ZNF385D: variants seen among roughly 807,000 people sequenced by gnomAD.
ZNF385D encodes the protein zinc finger protein 385D.
Under a neutral mutation model 35.8 loss-of-function variants are expected in ZNF385D, and 15 were observed. The ratio of observed to expected loss-of-function variants is 0.42; its 90% CI spans 0.28 to 0.64. The LOEUF (loss-of-function observed/expected upper bound fraction) is 0.64. ZNF385D is among the 30% of genes least tolerant of loss of function. ZNF385D has a pLI of 0.23. For missense variants in ZNF385D, 474 were observed against 494.6 expected, an observed-to-expected ratio of 0.96 and a Z score of 0.39; for synonymous variants, 212 against 186.8, an observed-to-expected ratio of 1.13 and a Z score of -1.10.
At chr3:21,433,210 T>G (rs1055022888) in intron 5 of ZNF385D, among the ~76,000 whole-genome samples, 8 of 152,290 alleles carry the variant, frequency 5.3e-5, no homozygotes, top group Non-Finnish European at 1.2e-4. Context: ...GGAAGTTGCA[T>G]TCCCAAAATT....
intron 2 of ZNF385D, among the ~76,000 whole-genome samples, chr3:21,592,809 G>C (rs2064021975): frequency 6.6e-6 from 1 of 152,116 alleles, no homozygotes; most frequent in South Asian, 2.1e-4. Flanking sequence ...GTCAAACAAA[G>C]TACAAAACTT....
chr3:21,501,787 C>A (rs78651039), intron 4 of ZNF385D, among the ~76,000 whole-genome samples: 7,427 of 152,296 alleles, frequency 0.049, 236 homozygotes, highest in South Asian at 0.069. Flanking sequence ...GAAAAACTCT[C>A]CATGAACTCA....
intron 3 of ZNF385D, among the ~76,000 whole-genome samples, chr3:22,047,105 A>T (rs1216266295): frequency 2.0e-5 from 3 of 152,166 alleles, no homozygotes; most frequent in Non-Finnish European, 4.4e-5. Context: ...GGCTTCTGAC[A>T]TTCTTGTTGA....
intron 2 of ZNF385D, among the ~76,000 whole-genome samples, chr3:22,175,749 T>C (rs1694783667): frequency 6.6e-6 from 1 of 151,572 alleles, no homozygotes; most frequent in African/African-American, 2.4e-5. Context: ...TATATGTGTA[T>C]AAATTATACA....
intron 3 of ZNF385D, among the ~76,000 whole-genome samples, chr3:21,864,938 C>T (rs1379613453): frequency 4.2e-5 from 6 of 141,742 alleles, no homozygotes; most frequent in Non-Finnish European, 7.5e-5. Flanking sequence ...AGTCAAACAT[C>T]GTTAGTGTGA....
At position 21,932,012 on chromosome 3, in the gene ZNF385D, A is replaced by C. The variant is rs189428890; in HGVS notation, c.325+236805T>G. On this transcript the variant is annotated intron_variant, in intron 3 of 5. Coordinates refer to the ZNF385D transcript ENST00000494108. ...GAAACCCCGTCTCTACTAAAAATAC[A>C]AAAAATTAGCCGGGAGCGGTGGCGG... 1.3e-3 allele frequency among the ~76,000 whole-genome samples: 190 copies of C among 151,698 alleles called. 1 individual carries two copies. The highest frequency in any genetic ancestry group is 4.2e-3 in the African/African-American group (173 of 41,370).
At chr3:21,708,309 A>G (rs2067981295) in intron 1 of ZNF385D, among the ~76,000 whole-genome samples, 1 of 152,246 alleles carries the variant, frequency 6.6e-6, no homozygotes. Flanking sequence ...TATTTCATGT[A>G]ACGCTTACAG....
intron 2 of ZNF385D, among the ~76,000 whole-genome samples, chr3:21,572,989 C>G (rs1015893499): frequency 8.6e-5 from 13 of 152,020 alleles, no homozygotes; most frequent in African/African-American, 3.1e-4. Flanking sequence ...AATTTTTAAG[C>G]ACAAACACAT....
At chr3:21,773,476 C>T (rs374966232) in intron 3 of ZNF385D, among the ~76,000 whole-genome samples, 2 of 151,842 alleles carry the variant, frequency 1.3e-5, no homozygotes, top group Non-Finnish European at 2.9e-5. Flanking sequence ...TCAGAGTAAA[C>T]AGACAACCTA....
intron 3 of ZNF385D, among the ~76,000 whole-genome samples, chr3:21,823,046 T>G (rs552878645): frequency 9.0e-4 from 137 of 152,152 alleles, no homozygotes; most frequent in African/African-American, 3.1e-3. Context: ...ATATCATAAT[T>G]TTCTATTTGT....
At chr3:22,023,905 G>T (rs1303042895) in intron 3 of ZNF385D, among the ~76,000 whole-genome samples, 3 of 152,050 alleles carry the variant, frequency 2.0e-5, no homozygotes, top group Admixed American at 6.6e-5. Flanking sequence ...TTTTCATACT[G>T]CTCTAAAGAA....
Position 21,573,323 on chromosome 3 carries a change from G to A in ZNF385D, c.166-8639C>T, listed in dbSNP as rs1421634388. On this transcript the variant is annotated intron_variant, in intron 2 of 7. Coordinates refer to ENST00000281523, the MANE Select transcript of ZNF385D (RefSeq NM_024697.3). The stretch of plus-strand genomic sequence containing the variant: ...TGAGTGGCCAGTAAAAATACAAAAT[G>A]TACTGGTTAAAGTGAAAATAAAATT... 2.6e-5 allele frequency among the ~76,000 whole-genome samples: 4 copies of A among 152,252 alleles called. No homozygotes were observed. In the East Asian group the frequency reaches 5.8e-4, roughly 22 times the overall value.
intron 3 of ZNF385D, among the ~76,000 whole-genome samples, chr3:22,038,925 A>C (rs1279758257): frequency 6.7e-6 from 1 of 150,038 alleles, no homozygotes; most frequent in African/African-American, 2.4e-5. Context: ...TTATTATAAC[A>C]AAGTTATAAT....
At chr3:21,529,272 G>C (rs914855123) in intron 3 of ZNF385D, among the ~76,000 whole-genome samples, 5 of 151,994 alleles carry the variant, frequency 3.3e-5, no homozygotes, top group Non-Finnish European at 7.4e-5. Context: ...ATCGAATTTT[G>C]GTTTCTGATA....
intron 3 of ZNF385D, among the ~76,000 whole-genome samples, chr3:22,071,612 T>C (rs1466080712): frequency 6.6e-6 from 1 of 152,174 alleles, no homozygotes; most frequent in African/African-American, 2.4e-5. Context: ...ATAAAAATTA[T>C]ATGATGGGTA....
chr3:21,699,203 C>G (rs915233589), intron 1 of ZNF385D, among the ~76,000 whole-genome samples: 4 of 152,110 alleles, frequency 2.6e-5, no homozygotes, highest in Admixed American at 6.6e-5. Flanking sequence ...GTGGATGAAG[C>G]TGGAAACCAT....
chr3:21,732,855 C>A (rs1465123015), intron 1 of ZNF385D, among the ~76,000 whole-genome samples: 2 of 152,096 alleles, frequency 1.3e-5, no homozygotes, highest in African/African-American at 4.8e-5. Flanking sequence ...CTCTTATGCT[C>A]TTTGTAGTGT....
intron 3 of ZNF385D, among the ~76,000 whole-genome samples, chr3:21,864,885 T>C (rs1575800891): frequency 6.6e-6 from 1 of 151,768 alleles, no homozygotes; most frequent in Non-Finnish European, 1.5e-5. Flanking sequence ...ACAAGTGGTG[T>C]GTGAAATGAA....
chr3:21,674,153 T>C (rs1244160099), intron 1 of ZNF385D, among the ~76,000 whole-genome samples: 1 of 152,144 alleles, frequency 6.6e-6, no homozygotes, highest in Non-Finnish European at 1.5e-5. Context: ...GTCAACATTG[T>C]CTCAGGCTGC....
Sources: gnomAD v4.1 joint callset for allele counts (sites outside exome capture counted in the v4.1 genomes callset) on GRCh38, gnomAD v4.1.1 for gene constraint, MANE v1.5 for transcripts, NCBI Gene and HGNC (gene_info 2026-07-23, HGNC 2026-07-21) for gene names.